Variants in BBS9 observed in about 807,000 individuals in gnomAD.
BBS9 encodes the protein Bardet-Biedl syndrome 9.
In BBS9, 89 loss-of-function variants were observed where a neutral mutation model predicts 117.7. The ratio of observed to expected loss-of-function variants is 0.76; its 90% confidence interval spans 0.64 to 0.90. BBS9 has a LOEUF of 0.90. Among genes scored for constraint, BBS9 ranks in the 40% least tolerant of loss-of-function variants. The pLI is 0.00. For synonymous variants in BBS9, 379 were observed against 370.9 expected, an observed-to-expected ratio of 1.02 and a Z score of -0.25; for missense variants, 982 against 1,042.2, an observed-to-expected ratio of 0.94 and a Z score of 0.80.
At chr7:33,191,315 CCG>C (rs1784080745) in intron 5 of BBS9, among the ~76,000 whole-genome samples, 1 of 152,096 alleles carries the variant, frequency 6.6e-6, no homozygotes, top group Non-Finnish European at 1.5e-5. Context: ...AATTTGGTAT[CCG>C]TGAGCTTTGA....
chr7:33,605,321 G>A lies in BBS9; in HGVS notation c.*95G>A, dbSNP rs1156791384. On this transcript the variant is annotated 3_prime_UTR_variant, in exon 23 of 23. Transcript: ENST00000242067. ...AAGCACAGATATAGGGCTGGCGCAGGTGCTTCCTAAAGCTCACCTTCCTGG... is the reference window on the plus strand; with the variant it reads ...AAGCACAGATATAGGGCTGGCGCAGATGCTTCCTAAAGCTCACCTTCCTGG... 2.2e-6 allele frequency: 3 copies of A among 1,365,024 alleles called. No homozygotes were observed. Among genetic ancestry groups the A allele is most frequent in the African/African-American group, 2.9e-5 (2 of 69,886 alleles). 84.6% of individuals were successfully genotyped at this position (1,365,024 alleles called of 1,614,324 possible).
chr7:33,319,097 A>G (rs1811150203), intron 9 of BBS9, among the ~76,000 whole-genome samples: 1 of 151,418 alleles, frequency 6.6e-6, no homozygotes, highest in African/African-American at 2.4e-5. Context: ...TGAGAGGCAG[A>G]GGTTGCAGTG....
intron 21 of BBS9, among the ~76,000 whole-genome samples, chr7:33,546,180 A>G (rs894778318): frequency 2.0e-5 from 3 of 151,776 alleles, no homozygotes; most frequent in East Asian, 1.9e-4. Context: ...TGATCCGCCC[A>G]CCTCGGCCTC....
chr7:33,408,507 C>A (rs1830502994), intron 19 of BBS9, among the ~76,000 whole-genome samples: 1 of 152,170 alleles, frequency 6.6e-6, no homozygotes, highest in South Asian at 2.1e-4. Context: ...GATGGAAATG[C>A]AGAAATCACC....
chr7:33,518,904 A>AT (rs1404084485), intron 20 of BBS9, among the ~76,000 whole-genome samples: 1 of 151,986 alleles, frequency 6.6e-6, no homozygotes, highest in African/African-American at 2.4e-5. Context: ...AATTCTAAAT[A>AT]TTTTTTTTCT....
At chr7:33,601,530 T>C (rs1343594017) in intron 21 of BBS9, among the ~76,000 whole-genome samples, 1 of 152,180 alleles carries the variant, frequency 6.6e-6, no homozygotes, top group East Asian at 1.9e-4. Flanking sequence ...ATTTTTTTCC[T>C]AGCAAAAGTA....
At chr7:33,428,401 T>C (rs1385708127) in intron 19 of BBS9, among the ~76,000 whole-genome samples, 2 of 152,182 alleles carry the variant, frequency 1.3e-5, no homozygotes, top group African/African-American at 4.8e-5. Flanking sequence ...AGTTCCAATA[T>C]AGATAAAATG....
chr7:33,231,428 C>CATT, intron 5 of BBS9, among the ~76,000 whole-genome samples: 1 of 106,376 alleles, frequency 9.4e-6, no homozygotes, highest in South Asian at 3.4e-4. Context: ...GCCTATGTGT[C>CATT]TTTTTTTTTT....
intron 19 of BBS9, among the ~76,000 whole-genome samples, chr7:33,438,985 G>A (rs1358928847): frequency 6.6e-6 from 1 of 152,138 alleles, no homozygotes; most frequent in Non-Finnish European, 1.5e-5. Context: ...CTTTACCAGT[G>A]CTTTGGTAGG....
Position 33,294,665 on chromosome 7 carries a change from TATGCAATC to T in BBS9, c.1016+20712_1016+20719del, listed in dbSNP as rs576241023. On this transcript the variant is annotated intron_variant, in intron 9 of 22. Transcript: ENST00000242067. Reference sequence around the variant, plus strand: ...TAAATAAATCACATTTAGAAGCTTTTATGCAATCATAGTCATGCTTGTATATTAAAAAG... The same window carrying T: ...TAAATAAATCACATTTAGAAGCTTTTATAGTCATGCTTGTATATTAAAAAG... Among the ~76,000 whole-genome samples, 28 of 152,348 alleles carry T rather than the reference TATGCAATC, an allele frequency of 1.8e-4. 1 individual carries two copies. In the East Asian group the frequency reaches 4.8e-3, roughly 26 times the overall value.
At chr7:33,425,366 T>A (rs542254152) in intron 19 of BBS9, among the ~76,000 whole-genome samples, 1 of 152,328 alleles carries the variant, frequency 6.6e-6, no homozygotes, top group South Asian at 2.1e-4. Flanking sequence ...AATTTTAAGT[T>A]CCAGGGTACA....
rs529545749 is a variant in BBS9, at chr7:33,192,744, A to G, written c.442+15153A>G. Among the ~76,000 whole-genome samples the G allele has an allele frequency of 2.6e-5, 4 of 152,324 alleles. No individual in the cohort carries two copies. In the South Asian group the frequency reaches 8.3e-4, roughly 32 times the overall value. On this transcript the variant is annotated intron_variant, in intron 5 of 22. Transcript: ENST00000242067. ...CTGGAGGCTGGGAAGTCCAAAATCA[A>G]GGTGCCAGCAGGTTCAGTGTGCAGC...
intron 21 of BBS9, among the ~76,000 whole-genome samples, chr7:33,542,081 T>C (rs1176524197): frequency 1.4e-5 from 2 of 142,766 alleles, no homozygotes; most frequent in Non-Finnish European, 3.0e-5. Flanking sequence ...TTTGGTAACA[T>C]GAGTAAGTTC....
intron 1 of BBS9, 27 bp from the exon 2 acceptor site, chr7:33,146,215 A>G (rs1792320127): frequency 1.4e-6 from 2 of 1,448,838 alleles, no homozygotes; most frequent in South Asian, 1.1e-5. Flanking sequence ...AGTGTGAAGT[A>G]GATTATTATA....
In BBS9 at chr7:33,302,708, A is replaced by T. The variant is rs909351366; in HGVS notation, c.1016+28752A>T. Among the ~76,000 whole-genome samples, 12 of 152,162 alleles carry T rather than the reference A, an allele frequency of 7.9e-5. No homozygotes were observed. The East Asian group carries it at 2.3e-3, about 29-fold the overall frequency. ...CTGTAGTATAATTTGAAGTCAGGTA[A>T]TGTGATTCTTTCAGTTTTGTTCTTC... On this transcript the variant is annotated intron_variant, in intron 9 of 22. Transcript: ENST00000242067.
chr7:33,539,361 T>C (rs986590312), intron 21 of BBS9, among the ~76,000 whole-genome samples: 6 of 152,190 alleles, frequency 3.9e-5, no homozygotes, highest in Non-Finnish European at 8.8e-5. Flanking sequence ...TACGTAGATA[T>C]GATTATATAA....
chr7:33,476,451 C>T (rs1432350451), intron 19 of BBS9, among the ~76,000 whole-genome samples: 2 of 152,320 alleles, frequency 1.3e-5, no homozygotes, highest in South Asian at 2.1e-4. Context: ...ATTTTGAAGT[C>T]GGTGTTGCTC....
At chr7:33,557,301 T>C (rs2129104773) in intron 21 of BBS9, among the ~76,000 whole-genome samples, 1 of 152,308 alleles carries the variant, frequency 6.6e-6, no homozygotes, top group South Asian at 2.1e-4. Flanking sequence ...ATGCACTCAG[T>C]TTCCATTTGA....
At chr7:33,179,736 C>T (rs115046905) in intron 5 of BBS9, among the ~76,000 whole-genome samples, 2,071 of 152,168 alleles carry the variant, frequency 0.014, 58 homozygotes, top group African/African-American at 0.048. Flanking sequence ...CGAAATCTTC[C>T]CCCTTCCTGG....
Sources: gnomAD v4.1 joint callset for allele counts (sites outside exome capture counted in the v4.1 genomes callset) on GRCh38, gnomAD v4.1.1 for gene constraint, MANE v1.5 for transcripts, NCBI Gene and HGNC (gene_info 2026-07-23, HGNC 2026-07-21) for gene names.